Variants in PTPRM observed in about 807,000 individuals in gnomAD.
PTPRM encodes the protein receptor-type tyrosine-protein phosphatase mu.
PTPRM carries 47 observed loss-of-function variants against 186.7 expected under a neutral mutation model. That is an observed-to-expected ratio of 0.25 (90% CI 0.20 to 0.32). The LOEUF (loss-of-function observed/expected upper bound fraction) is 0.32. PTPRM is among the 10% of genes least tolerant of loss of function. The probability of loss-of-function intolerance (pLI) is 1.00; values close to 1 mark genes in which losing one functional copy is unlikely to be tolerated. For synonymous variants in PTPRM, 668 were observed against 674.9 expected (o/e 0.99, Z 0.16); for missense variants, 1,494 against 1,865.0 (o/e 0.80, Z 3.66).
intron 7 of PTPRM, among the ~76,000 whole-genome samples, chr18:8,064,431 G>C (rs144562070): frequency 6.6e-6 from 1 of 150,634 alleles, no homozygotes; most frequent in African/African-American, 2.4e-5. Flanking sequence ...TGGCCTATTT[G>C]TTAGGAAGAT....
At position 7,817,490 on chromosome 18, in the gene PTPRM, T is replaced by G. The variant is rs550835410; in HGVS notation, c.196+43219T>G. Among the ~76,000 whole-genome samples, 134 of 152,352 alleles carry G rather than the reference T, an allele frequency of 8.8e-4. 2 individuals are homozygous for G. Among genetic ancestry groups the G allele is most frequent in the East Asian group, 5.2e-3 (27 of 5,186 alleles). ...TTGTACTACTCCTGCTCTTTTCTAG[T>G]AATTAACAGTTGGCCACTACAAACT... is the stretch of plus-strand genomic sequence containing the variant. On this transcript the variant is annotated intron_variant, in intron 2 of 32. Coordinates refer to ENST00000580170, the MANE Select transcript of PTPRM (RefSeq NM_001105244.2).
intron 14 of PTPRM, among the ~76,000 whole-genome samples, chr18:8,160,736 C>T (rs1285832318): frequency 6.6e-6 from 1 of 152,218 alleles, no homozygotes; most frequent in Admixed American, 6.5e-5. Flanking sequence ...TTATTCAGGA[C>T]TTAGCATTTC....
chr18:7,872,288 T>G (rs1450063011), intron 2 of PTPRM, among the ~76,000 whole-genome samples: 1 of 152,236 alleles, frequency 6.6e-6, no homozygotes, highest in Non-Finnish European at 1.5e-5. Flanking sequence ...AATCCTTTGA[T>G]TGTAACTCAA....
chr18:8,400,366 C>T (rs1254277270), intron 32 of PTPRM, among the ~76,000 whole-genome samples: 2 of 152,230 alleles, frequency 1.3e-5, no homozygotes, highest in Non-Finnish European at 2.9e-5. Flanking sequence ...ACCATGTCTG[C>T]TCTAGACGCA....
chr18:8,289,539 T>TATATATACATATATATAC (rs1458187817), intron 19 of PTPRM, among the ~76,000 whole-genome samples: 1 of 56,870 alleles, frequency 1.8e-5, no homozygotes, highest in Non-Finnish European at 3.2e-5. Context: ...TATATACACA[T>TATATATACATATATATAC]ATATATATAT....
At chr18:7,635,887 T>G (rs7505095) in intron 1 of PTPRM, among the ~76,000 whole-genome samples, 6,313 of 152,228 alleles carry the variant, frequency 0.041, 154 homozygotes, top group East Asian at 0.098. Flanking sequence ...TACAGTAAAA[T>G]CCATAGAATG....
chr18:7,984,615 A>T (rs985704368), intron 7 of PTPRM, among the ~76,000 whole-genome samples: 4 of 138,296 alleles, frequency 2.9e-5, no homozygotes, highest in Admixed American at 7.5e-5. Flanking sequence ...ACACACACAC[A>T]CACACACACA....
chr18:7,666,136 A>G (rs963623154), intron 1 of PTPRM, among the ~76,000 whole-genome samples: 2 of 152,186 alleles, frequency 1.3e-5, no homozygotes, highest in Non-Finnish European at 2.9e-5. Context: ...CTTGAGGCAA[A>G]GCTATTGAAG....
intron 7 of PTPRM, among the ~76,000 whole-genome samples, chr18:7,981,664 T>C (rs796975213): frequency 3.3e-5 from 5 of 152,214 alleles, no homozygotes; most frequent in African/African-American, 1.2e-4. Flanking sequence ...GCAATGGGGC[T>C]GTATTCTGAG....
chr18:8,156,077 A>G (rs926738589), intron 14 of PTPRM, among the ~76,000 whole-genome samples: 2 of 152,190 alleles, frequency 1.3e-5, no homozygotes, highest in African/African-American at 4.8e-5. Context: ...CAGTCTATCA[A>G]TTAGCTGCCG....
chr18:8,199,550 A>AC, intron 14 of PTPRM, among the ~76,000 whole-genome samples: 1 of 152,132 alleles, frequency 6.6e-6, no homozygotes, highest in Admixed American at 6.5e-5. Context: ...GGAATGCTCT[A>AC]GGTCTCCTCA....
intron 23 of PTPRM, among the ~76,000 whole-genome samples, chr18:8,355,883 C>A (rs928677776): frequency 6.6e-6 from 1 of 152,284 alleles, no homozygotes; most frequent in South Asian, 2.1e-4. Flanking sequence ...CTAGTCAAGG[C>A]GCTGATGCTA....
chr18:7,984,938 C>A (rs1447876528), intron 7 of PTPRM, among the ~76,000 whole-genome samples: 1 of 115,154 alleles, frequency 8.7e-6, no homozygotes, highest in African/African-American at 3.6e-5. Flanking sequence ...TAAATATATA[C>A]ATATATATAC....
intron 4 of PTPRM, among the ~76,000 whole-genome samples, chr18:7,910,214 C>T (rs185460020): frequency 8.5e-5 from 13 of 152,250 alleles, no homozygotes; most frequent in East Asian, 1.9e-4. Context: ...TATGTACCCG[C>T]GACCATAGTC....
intron 19 of PTPRM, among the ~76,000 whole-genome samples, chr18:8,280,639 C>T (rs1240080709): frequency 6.6e-6 from 1 of 152,154 alleles, no homozygotes; most frequent in Admixed American, 6.5e-5. Flanking sequence ...AAATTCAGTT[C>T]CTTGGTCATC....
At chr18:7,900,009 G>A (rs557176611) in intron 3 of PTPRM, among the ~76,000 whole-genome samples, 14 of 147,696 alleles carry the variant, frequency 9.5e-5, no homozygotes, top group African/African-American at 3.0e-4. Flanking sequence ...CCCATGGAGC[G>A]CAAGGCATAT....
intron 32 of PTPRM, chr18:8,404,132 G>A (rs572942646): frequency 3.3e-5 from 5 of 152,296 alleles, no homozygotes; most frequent in East Asian, 1.9e-4. Flanking sequence ...GCTGCCAGAC[G>A]GTTTTCCAAA....
At chr18:8,386,585 T>G (rs565475852) in intron 30 of PTPRM, among the ~76,000 whole-genome samples, 5 of 152,338 alleles carry the variant, frequency 3.3e-5, no homozygotes, top group Admixed American at 3.3e-4. Flanking sequence ...GCAATTCTAT[T>G]TCACTATGAC....
At chr18:7,595,626 G>A (rs558148373) in intron 1 of PTPRM, among the ~76,000 whole-genome samples, 10 of 152,320 alleles carry the variant, frequency 6.6e-5, no homozygotes, top group Admixed American at 6.5e-4. Flanking sequence ...TGAAGTCTCA[G>A]GTGGCTACAT....
Sources: gnomAD v4.1 joint callset for allele counts (sites outside exome capture counted in the v4.1 genomes callset) on GRCh38, gnomAD v4.1.1 for gene constraint, MANE v1.5 for transcripts, NCBI Gene and HGNC (gene_info 2026-07-23, HGNC 2026-07-21) for gene names.